Variants in PARL observed in about 807,000 individuals in gnomAD.
The protein encoded by PARL is presenilin-associated rhomboid-like protein, mitochondrial.
A neutral mutation model predicts 51.6 loss-of-function variants in PARL; 44 were observed. That is an observed-to-expected ratio of 0.85 (90% CI 0.67 to 1.10). The LOEUF is 1.10. PARL is among the 50% of genes least tolerant of loss of function. The probability of loss-of-function intolerance (pLI) is 0.00; values close to 1 mark genes in which losing one functional copy is unlikely to be tolerated. For synonymous variants in PARL, 172 were observed against 164.0 expected, an observed-to-expected ratio of 1.05 and a Z score of -0.37; for missense variants, 441 against 469.5, an observed-to-expected ratio of 0.94 and a Z score of 0.56.
chr3:183,833,416 G>T, intron 9 of PARL, 76 bp downstream of exon 9: 1 of 877,506 alleles, frequency 1.1e-6, no homozygotes, highest in Non-Finnish European at 1.9e-6. Flanking sequence ...GGGGATGGGG[G>T]GTAGGGGTGA....
At chr3:183,831,137 G>A (rs534490341) in intron 9 of PARL, among the ~76,000 whole-genome samples, 14 of 152,150 alleles carry the variant, frequency 9.2e-5, no homozygotes, top group Non-Finnish European at 1.3e-4. Flanking sequence ...CACCACGCCC[G>A]GCTAATTTTT....
intron 4 of PARL, among the ~76,000 whole-genome samples, chr3:183,844,992 A>G (rs977503398): frequency 1.3e-5 from 2 of 152,236 alleles, no homozygotes; most frequent in Non-Finnish European, 1.5e-5. Flanking sequence ...ATTTTAGATA[A>G]GAAATTATTA....
At chr3:183,879,757 C>T (rs1365052957) in intron 1 of PARL, 2 of 949,912 alleles carry the variant, frequency 2.1e-6, no homozygotes, top group Non-Finnish European at 1.3e-6. Flanking sequence ...CGCTCTGTCA[C>T]CCAGGCTGGA....
At chr3:183,880,744 A>G (rs1045055157) in intron 1 of PARL, among the ~76,000 whole-genome samples, 3 of 152,064 alleles carry the variant, frequency 2.0e-5, no homozygotes, top group African/African-American at 7.2e-5. Flanking sequence ...ACTTTTAAGA[A>G]GAAAAAGTTA....
At chr3:183,828,607 G>A (rs779075307), downstream of PARL, among the ~76,000 whole-genome samples, 14 of 152,192 alleles carry the variant, frequency 9.2e-5, no homozygotes, top group South Asian at 2.1e-4. Context: ...TGCTGGGCGC[G>A]TGCTGCCATG....
At position 183,866,637 on chromosome 3, in the gene PARL, G is replaced by T. The variant is rs376653201; in HGVS notation, c.450C>A (p.Asp150Glu). Residue 150 changes from aspartate to glutamate, a missense_variant, in exon 3 of 10, where the codon GAC becomes GAA. Transcript: ENST00000317096. ...LDSIRPQKEGDFRKEINKWWN... is the reference protein window; with the variant it reads ...LDSIRPQKEGEFRKEINKWWN... The stretch of plus-strand genomic sequence containing the variant: ...TGTTTATCTTTACCTCCTTTCTGAA[G>T]TCTCCTTCTTTTTGTGGTCTTATGC... 16 of 1,611,420 alleles carry T rather than the reference G, an allele frequency of 9.9e-6. No homozygotes were observed. The highest frequency in any genetic ancestry group is 2.1e-4 in the Middle Eastern group (1 of 4,658).
chr3:183,842,557 C>A, intron 5 of PARL, 110 bp from the exon 6 acceptor site: 1 of 1,019,746 alleles, frequency 9.8e-7, no homozygotes, highest in South Asian at 1.3e-5. Context: ...CGCCTGTAAT[C>A]CCAGCACTTT....
intron 3 of PARL, among the ~76,000 whole-genome samples, chr3:183,864,118 G>C (rs575701881): frequency 1.3e-5 from 2 of 152,288 alleles, no homozygotes; most frequent in African/African-American, 4.8e-5. Context: ...CCGATGGCTA[G>C]TTATTGTCAT....
chr3:183,845,517 T>C (rs984267288), intron 4 of PARL, among the ~76,000 whole-genome samples: 1 of 152,234 alleles, frequency 6.6e-6, no homozygotes, highest in Non-Finnish European at 1.5e-5. Context: ...GTATCAGATG[T>C]CTCACTAGCA....
chr3:183,866,249 A>G (rs1225115445), intron 3 of PARL, among the ~76,000 whole-genome samples: 5 of 152,224 alleles, frequency 3.3e-5, no homozygotes, highest in Admixed American at 6.5e-5. Context: ...TGTTAAGTAC[A>G]ACACCAGATA....
intron 7 of PARL, among the ~76,000 whole-genome samples, chr3:183,840,151 C>T (rs375300435): frequency 8.5e-5 from 13 of 152,308 alleles, no homozygotes; most frequent in Admixed American, 4.6e-4. Context: ...TGCTCACCAG[C>T]TGTTATCCCC....
At chr3:183,849,866 G>A (rs984456260) in intron 4 of PARL, among the ~76,000 whole-genome samples, 7 of 152,018 alleles carry the variant, frequency 4.6e-5, no homozygotes, top group Non-Finnish European at 1.0e-4. Flanking sequence ...ATGTTACTAC[G>A]AACCTTATAG....
At chr3:183,833,674 A>C in intron 8 of PARL, 50 bp downstream of exon 8, 2 of 1,461,902 alleles carry the variant, frequency 1.4e-6, no homozygotes, top group Non-Finnish European at 1.9e-6. Flanking sequence ...CCCACTCAAC[A>C]TAAAAACATC....
At chr3:183,826,553 G>A (rs771368450), downstream of PARL, 121 of 966,002 alleles carry the variant, frequency 1.3e-4, no homozygotes, top group Non-Finnish European at 1.3e-4. Context: ...CCTGGGAGGG[G>A]ACTGCAGCAC....
chr3:183,874,563 C>T (rs996608769), intron 1 of PARL, among the ~76,000 whole-genome samples: 2 of 152,088 alleles, frequency 1.3e-5, no homozygotes, highest in Non-Finnish European at 2.9e-5. Context: ...CACCTGCCAC[C>T]ACACCGAGCT....
intron 1 of PARL, among the ~76,000 whole-genome samples, chr3:183,874,483 A>T (rs1733568783): frequency 6.8e-6 from 1 of 147,916 alleles, no homozygotes; most frequent in African/African-American, 2.5e-5. Flanking sequence ...ATCTCGACTC[A>T]CTGCAACCTC....
intron 7 of PARL, 91 bp downstream of exon 7, chr3:183,840,477 CTT>C (rs1221980338): frequency 1.0e-5 from 7 of 668,426 alleles, no homozygotes; most frequent in East Asian, 2.8e-5. Flanking sequence ...ATGAGAACCT[CTT>C]ATCAATTTTA....
chr3:183,861,212 G>T, intron 4 of PARL: 1 of 926,820 alleles, frequency 1.1e-6, no homozygotes, highest in Non-Finnish European at 1.3e-6. Flanking sequence ...ATCATTTTAA[G>T]ATGTCACTGA....
chr3:183,826,676 C>G (rs1727432665), downstream of PARL: 1 of 985,066 alleles, frequency 1.0e-6, no homozygotes, highest in Non-Finnish European at 1.2e-6. Flanking sequence ...GTCAGCTGAG[C>G]AGGCCAGGCC....
Sources: gnomAD v4.1 joint callset for allele counts (sites outside exome capture counted in the v4.1 genomes callset) on GRCh38, gnomAD v4.1.1 for gene constraint, MANE v1.5 for transcripts, NCBI Gene and HGNC (gene_info 2026-07-23, HGNC 2026-07-21) for gene names.